Variants in TMEM131L observed in about 807,000 individuals in gnomAD.
TMEM131L encodes the protein transmembrane protein 131-like.
In TMEM131L, 54 loss-of-function variants were observed where a neutral mutation model predicts 192.2. That is an observed-to-expected ratio of 0.28 (90% CI 0.23 to 0.35). TMEM131L has a LOEUF of 0.35. Ranked by LOEUF, TMEM131L falls within the 10% of genes least tolerant of loss-of-function variation. The pLI, the probability that TMEM131L is intolerant of heterozygous loss-of-function variation, is 1.00. For synonymous variants in TMEM131L, 701 were observed against 704.9 expected (o/e 0.99, Z 0.09); for missense variants, 1,888 against 1,972.9 (o/e 0.96, Z 0.82).
intron 3 of TMEM131L, among the ~76,000 whole-genome samples, chr4:153,491,552 TTAAAC>T (rs2149889637): frequency 6.6e-6 from 1 of 152,354 alleles, no homozygotes; most frequent in South Asian, 2.1e-4. Flanking sequence ...TAGGGACAAT[TTAAAC>T]TATTTTGTCA....
intron 3 of TMEM131L, among the ~76,000 whole-genome samples, chr4:153,542,908 G>A (rs749890240): frequency 4.8e-4 from 73 of 152,186 alleles, no homozygotes; most frequent in Non-Finnish European, 8.8e-4. Flanking sequence ...TCCTTGGATA[G>A]TGTGGATGCA....
rs1025383063 is a variant in TMEM131L at position 153,466,403 on chromosome 4, G to C, written c.6G>C (p.Ala2=). ...AGAGGAGCGCGAGCAGCAGCATGGC[G>C]GGGCTCCGACGCCCGCAGCCCGGCT... The part of the protein sequence containing the change: M[A]GLRRPQPGCY... Residue 2 remains alanine (A), a synonymous_variant, in exon 1 of 35, where the codon GCG becomes GCC. Transcript: ENST00000409959. The C allele has an allele frequency of 4.5e-6, 6 of 1,340,712 alleles. No individual in the cohort carries two copies. The highest frequency in any genetic ancestry group is 1.5e-5 in the African/African-American group (1 of 66,296). The allele number at this position is 1,340,712 out of a possible 1,614,324, so 83.1% of individuals were successfully genotyped here.
At chr4:153,507,895 C>T (rs1349307779) in intron 3 of TMEM131L, among the ~76,000 whole-genome samples, 1 of 152,132 alleles carries the variant, frequency 6.6e-6, no homozygotes, top group Non-Finnish European at 1.5e-5. Context: ...TATCACCATC[C>T]TCTGCTGCAG....
At chr4:153,621,262 C>T (rs1469746468) in intron 27 of TMEM131L, among the ~76,000 whole-genome samples, 3 of 152,146 alleles carry the variant, frequency 2.0e-5, no homozygotes, top group African/African-American at 7.2e-5. Flanking sequence ...GTTCCCTGTT[C>T]AGCCACTGAC....
chr4:153,477,305 T>C (rs1731609844), intron 3 of TMEM131L, among the ~76,000 whole-genome samples: 1 of 152,190 alleles, frequency 6.6e-6, no homozygotes, highest in African/African-American at 2.4e-5. Context: ...AGATGGCAGG[T>C]AGAGTTGATA....
intron 3 of TMEM131L, among the ~76,000 whole-genome samples, chr4:153,549,562 G>A (rs1300443871): frequency 6.6e-6 from 1 of 152,186 alleles, no homozygotes. Context: ...TGAAATCATA[G>A]TGATGATTAA....
intron 32 of TMEM131L, 84 bp downstream of exon 32, chr4:153,632,922 T>A: frequency 6.6e-7 from 1 of 1,521,982 alleles, no homozygotes; most frequent in Middle Eastern, 1.7e-4. Context: ...TAGGGTTTCC[T>A]TACAAAAATG....
chr4:153,529,963 T>C (rs1735769313), intron 3 of TMEM131L, among the ~76,000 whole-genome samples: 2 of 152,150 alleles, frequency 1.3e-5, no homozygotes, highest in African/African-American at 2.4e-5. Flanking sequence ...CAAATCTAAG[T>C]AGTTTATAGT....
chr4:153,577,450 T>TA (rs1578784302), intron 7 of TMEM131L, among the ~76,000 whole-genome samples: 1 of 152,220 alleles, frequency 6.6e-6, no homozygotes, highest in South Asian at 2.1e-4. Flanking sequence ...TTTGTGGTGT[T>TA]AGAGTATTTA....
intron 3 of TMEM131L, among the ~76,000 whole-genome samples, 170 bp downstream of exon 3, chr4:153,474,058 TG>T (rs1416810552): frequency 1.3e-5 from 2 of 152,028 alleles, no homozygotes; most frequent in African/African-American, 4.8e-5. Flanking sequence ...AATACGATTT[TG>T]TTTTAAAATA....
At position 153,555,728 on chromosome 4, in the gene TMEM131L, GT is replaced by G. The variant is rs1178691663; in HGVS notation, c.309-58del. The G allele has an allele frequency of 7.1e-7, 1 of 1,410,478 alleles. No individual in the cohort carries two copies. The highest frequency in any genetic ancestry group is 2.1e-5 in the Admixed American group (1 of 48,194). The allele number at this position is 1,410,478 out of a possible 1,614,324, so 87.4% of individuals were successfully genotyped here. On this transcript the variant is annotated intron_variant, in intron 4 of 34. Coordinates refer to ENST00000409959, the MANE Select transcript of TMEM131L (RefSeq NM_001131007.2). The surrounding 1 kb of genome is among the most constrained non-coding windows in gnomAD (Gnocchi z 4.1). ...TATATATATAATAATACATATATAT[GT>G]ATGGTAATATTTATAACCACACAAT...
At chr4:153,477,056 T>A (rs1249390561) in intron 3 of TMEM131L, among the ~76,000 whole-genome samples, 2 of 152,024 alleles carry the variant, frequency 1.3e-5, no homozygotes, top group African/African-American at 4.8e-5. Flanking sequence ...TGAAAGTGGA[T>A]GGAGGGAAAT....
In TMEM131L at chr4:153,603,921, C is replaced by G. The variant is rs1261274155; in HGVS notation, c.2909C>G (p.Ala970Gly). Residue 970 changes from alanine to glycine, a missense_variant, in exon 25 of 35, where the codon GCC (alanine) becomes GGC (glycine). By Grantham distance (60) the Ala-to-Gly change is moderately conservative. Transcript: ENST00000409959. The stretch of plus-strand genomic sequence containing the variant: ...CAGAATGCTGCAAAGAGGAGCCCAG[C>G]CACCTATGGTCATTCTCAGAAGAAG... ...RIQNAAKRSP[A>G]TYGHSQKKHK... 2.5e-6 allele frequency: 4 copies of G among 1,614,038 alleles called. No individual in the cohort carries two copies. Among genetic ancestry groups the G allele is most frequent in the Non-Finnish European group, 3.4e-6 (4 of 1,179,962 alleles).
chr4:153,623,256 T>TC (rs1467869452), intron 29 of TMEM131L, among the ~76,000 whole-genome samples, 173 bp downstream of exon 29: 1 of 152,028 alleles, frequency 6.6e-6, no homozygotes, highest in Non-Finnish European at 1.5e-5. Context: ...CCCTCCCCCT[T>TC]CCCCTCCATC....
intron 29 of TMEM131L, among the ~76,000 whole-genome samples, chr4:153,624,964 C>T (rs987921546): frequency 1.3e-5 from 2 of 152,220 alleles, no homozygotes; most frequent in African/African-American, 2.4e-5. Context: ...CAGTTCTCCG[C>T]GTTTTCAGTT....
chr4:153,535,188 G>A (rs1408312163), intron 3 of TMEM131L, among the ~76,000 whole-genome samples: 4 of 152,142 alleles, frequency 2.6e-5, no homozygotes, highest in East Asian at 1.9e-4. Context: ...GATGGGATGC[G>A]GGGTGTGAGA....
intron 3 of TMEM131L, among the ~76,000 whole-genome samples, chr4:153,493,530 C>G (rs183822632): frequency 6.6e-6 from 1 of 151,416 alleles, no homozygotes; most frequent in South Asian, 2.1e-4. Flanking sequence ...CATGGCGGTG[C>G]GCACTGGTAA....
rs1443521588 is a variant in TMEM131L at position 153,586,333 on chromosome 4, G to C, written c.1436G>C (p.Gly479Ala). The C allele has an allele frequency of 6.2e-7, 1 of 1,604,284 alleles. No homozygotes were observed. The highest frequency in any genetic ancestry group is 1.3e-5 in the African/African-American group (1 of 74,410). ...AATGTATTTTTGACTACAAACATAGGTGCCATTTTTGCAATACCTCTACAG... is the reference window on the plus strand; with the variant it reads ...AATGTATTTTTGACTACAAACATAGCTGCCATTTTTGCAATACCTCTACAG... ...FTNVFLTTNI[G>A]AIFAIPLQIY... Residue 479 changes from glycine to alanine, a missense_variant, in exon 14 of 35, where the codon GGT becomes GCT. Transcript: ENST00000409959.
At chr4:153,499,407 A>G (rs1733424531) in intron 3 of TMEM131L, among the ~76,000 whole-genome samples, 1 of 151,380 alleles carries the variant, frequency 6.6e-6, no homozygotes, top group Admixed American at 6.6e-5. Flanking sequence ...ACTTTCTGCC[A>G]GTGATGAAAT....
Sources: allele counts gnomAD v4.1 joint callset (sites outside exome capture counted in the v4.1 genomes callset), GRCh38; gene constraint gnomAD v4.1.1; non-coding constraint Gnocchi (gnomAD v3.1); transcripts MANE v1.5; gene names NCBI Gene and HGNC (gene_info 2026-07-23, HGNC 2026-07-21).